The following SCHIP1 variants were observed in gnomAD, a reference collection of about 807,000 sequenced individuals.
The protein encoded by SCHIP1 is schwannomin-interacting protein 1.
A neutral mutation model predicts 29.7 loss-of-function variants in SCHIP1; 8 were observed. The ratio of observed to expected loss-of-function variants is 0.27; its 90% CI spans 0.16 to 0.49. The LOEUF is 0.49. Ranked by LOEUF, SCHIP1 falls within the 20% of genes least tolerant of loss-of-function variation. The pLI is 0.99. For missense variants in SCHIP1, 193 were observed against 294.6 expected, an observed-to-expected ratio of 0.66 and a Z score of 2.52; for synonymous variants, 76 against 94.9, an observed-to-expected ratio of 0.80 and a Z score of 1.16.
the SCHIP1 span, among the ~76,000 whole-genome samples, chr3:159,558,265 AAAG>A: frequency 6.6e-6 from 1 of 152,236 alleles, no homozygotes; most frequent in African/African-American, 2.4e-5. Context: ...ACTTTGGCCT[AAAG>A]AAGATGTGTG....
At chr3:159,505,140 G>A in the SCHIP1 span, among the ~76,000 whole-genome samples, 2 of 152,150 alleles carry the variant, frequency 1.3e-5, no homozygotes, top group Non-Finnish European at 2.9e-5. Context: ...TGTAGAGTGG[G>A]AGGGCATGAT....
At chr3:159,281,899 C>A in the SCHIP1 span, among the ~76,000 whole-genome samples, 1 of 151,956 alleles carries the variant, frequency 6.6e-6, no homozygotes, top group Non-Finnish European at 1.5e-5. Flanking sequence ...CTTGGAGATT[C>A]CGAAATGTGT....
chr3:159,385,375 T>G, the SCHIP1 span, among the ~76,000 whole-genome samples: 1 of 152,122 alleles, frequency 6.6e-6, no homozygotes, highest in Admixed American at 6.5e-5. Context: ...CTGGCCAACA[T>G]GGCAAAATCC....
chr3:159,551,825 A>C, the SCHIP1 span, among the ~76,000 whole-genome samples: 1 of 152,160 alleles, frequency 6.6e-6, no homozygotes, highest in African/African-American at 2.4e-5. Context: ...GGAACATGAA[A>C]CCACATTAGG....
the SCHIP1 span, among the ~76,000 whole-genome samples, chr3:159,824,080 C>T: frequency 5.3e-5 from 8 of 152,282 alleles, no homozygotes; most frequent in East Asian, 5.8e-4. Context: ...CCCCTATGAA[C>T]GCCCAACCTT....
chr3:159,782,512 C>A, the SCHIP1 span, among the ~76,000 whole-genome samples: 1 of 152,250 alleles, frequency 6.6e-6, no homozygotes, highest in East Asian at 1.9e-4. Flanking sequence ...AAGATTTTTT[C>A]ATAAATGGAA....
At chr3:159,300,113 C>CTTTTT in the SCHIP1 span, among the ~76,000 whole-genome samples, 774 of 45,378 alleles carry the variant, frequency 0.017, 179 homozygotes, top group African/African-American at 0.067. Context: ...GGGAAAGCTG[C>CTTTTT]TTTTTTTTTT....
the SCHIP1 span, among the ~76,000 whole-genome samples, chr3:159,421,440 G>A: frequency 8.9e-4 from 135 of 152,260 alleles, no homozygotes; most frequent in South Asian, 0.025. Context: ...GATAAGTTCC[G>A]TATCTGGATC....
the SCHIP1 span, among the ~76,000 whole-genome samples, chr3:159,345,226 CA>C: frequency 0.014 from 1,657 of 117,246 alleles, 20 homozygotes; most frequent in Admixed American, 0.067. Flanking sequence ...GACTCTGTCT[CA>C]AAAAAAAAAA....
chr3:159,554,841 T>C, the SCHIP1 span, among the ~76,000 whole-genome samples: 1 of 152,052 alleles, frequency 6.6e-6, no homozygotes, highest in African/African-American at 2.4e-5. Context: ...ATCCAGTTAT[T>C]TCCCAAGTTG....
chr3:159,689,700 C>G, the SCHIP1 span, among the ~76,000 whole-genome samples: 1 of 152,110 alleles, frequency 6.6e-6, no homozygotes, highest in Non-Finnish European at 1.5e-5. Context: ...ATGCTTCCAG[C>G]TTTTGCCCAT....
chr3:159,863,721 C>G (rs1490057572), intron 1 of SCHIP1, among the ~76,000 whole-genome samples: 1 of 151,784 alleles, frequency 6.6e-6, no homozygotes, highest in African/African-American at 2.4e-5. Context: ...TCAGTGGTAT[C>G]CAGAGACAGA....
chr3:159,755,279 C>T, the SCHIP1 span, among the ~76,000 whole-genome samples: 15 of 152,102 alleles, frequency 9.9e-5, no homozygotes, highest in African/African-American at 3.6e-4. Context: ...CTTACAGTTC[C>T]ACATGGCTGG....
At chr3:159,679,896 C>A in the SCHIP1 span, among the ~76,000 whole-genome samples, 2 of 152,096 alleles carry the variant, frequency 1.3e-5, no homozygotes, top group Non-Finnish European at 2.9e-5. Context: ...GGGCCTTTGC[C>A]CACATTTGTC....
At chr3:159,663,518 T>C in the SCHIP1 span, among the ~76,000 whole-genome samples, 1 of 152,288 alleles carries the variant, frequency 6.6e-6, no homozygotes, top group East Asian at 1.9e-4. Flanking sequence ...TCCAATTTAG[T>C]GTCTGCTCCA....
the SCHIP1 span, among the ~76,000 whole-genome samples, chr3:159,428,727 C>T: frequency 7.8e-4 from 118 of 151,736 alleles, no homozygotes; most frequent in Admixed American, 3.9e-3. Flanking sequence ...AATCATGCTG[C>T]TATAAAGACA....
chr3:159,457,123 T>C, the SCHIP1 span, among the ~76,000 whole-genome samples: 1 of 152,206 alleles, frequency 6.6e-6, no homozygotes, highest in Non-Finnish European at 1.5e-5. Context: ...ATACGTGGTA[T>C]TTTAAAAATG....
At chr3:159,833,220 C>G in the SCHIP1 span, among the ~76,000 whole-genome samples, 1 of 152,186 alleles carries the variant, frequency 6.6e-6, no homozygotes, top group African/African-American at 2.4e-5. Context: ...AAATGGGTCT[C>G]ACTGGACTAA....
At chr3:159,736,977 G>A in the SCHIP1 span, among the ~76,000 whole-genome samples, 8 of 151,722 alleles carry the variant, frequency 5.3e-5, no homozygotes, top group African/African-American at 7.3e-5. Context: ...CTCATGATCC[G>A]CCCACCTCGG....
Sources: gnomAD v4.1 joint callset for allele counts (sites outside exome capture counted in the v4.1 genomes callset) on GRCh38, gnomAD v4.1.1 for gene constraint, MANE v1.5 for transcripts, NCBI Gene and HGNC (gene_info 2026-07-23, HGNC 2026-07-21) for gene names.